The following BBOF1 variants were observed in gnomAD, a reference collection of about 807,000 sequenced individuals.
BBOF1 encodes basal body-orientation factor 1.
BBOF1 carries 62 observed loss-of-function variants against 68.0 expected under a neutral mutation model. That is an observed-to-expected ratio of 0.91 (90% CI 0.74 to 1.13). The LOEUF (loss-of-function observed/expected upper bound fraction) is 1.13. BBOF1 is among the 50% of genes most tolerant of loss of function. The pLI is 0.00. For synonymous variants in BBOF1, 208 were observed against 198.8 expected (o/e 1.05, Z -0.39); for missense variants, 534 against 600.1 (o/e 0.89, Z 1.15).
At chr14:74,026,213 C>T (rs1412143244) in intron 2 of BBOF1, among the ~76,000 whole-genome samples, 3 of 150,114 alleles carry the variant, frequency 2.0e-5, no homozygotes, top group East Asian at 2.0e-4. Context: ...GAGTCCAAGG[C>T]GGGTGGATTA....
intron 2 of BBOF1, among the ~76,000 whole-genome samples, chr14:74,024,920 A>G (rs969093027): frequency 6.6e-6 from 1 of 151,694 alleles, no homozygotes; most frequent in Admixed American, 6.6e-5. Context: ...TTCTATCTTT[A>G]TTTTATTTTA....
intron 9 of BBOF1, among the ~76,000 whole-genome samples, chr14:74,072,898 C>T (rs966174116): frequency 1.3e-5 from 2 of 151,764 alleles, no homozygotes; most frequent in African/African-American, 2.4e-5. Context: ...TTCCCGGGTT[C>T]GAGCAATTCT....
chr14:74,058,338 A>T (rs2060266526), intron 11 of BBOF1: 1 of 151,114 alleles, frequency 6.6e-6, no homozygotes, highest in South Asian at 2.1e-4. Flanking sequence ...AAACAAAACA[A>T]AACAACAACA....
intron 8 of BBOF1, among the ~76,000 whole-genome samples, chr14:74,053,599 G>T (rs2060116829): frequency 6.6e-6 from 1 of 151,598 alleles, no homozygotes; most frequent in Non-Finnish European, 1.5e-5. Context: ...AGAGAAAAGG[G>T]TTTCACTACA....
intron 12 of BBOF1, among the ~76,000 whole-genome samples, chr14:74,082,247 G>C (rs2060675750): frequency 6.6e-6 from 1 of 152,106 alleles, no homozygotes; most frequent in Non-Finnish European, 1.5e-5. Context: ...ATATCACAAG[G>C]AGCAGAGAGA....
Position 74,024,948 on chromosome 14 carries a change from A to G in BBOF1, c.285+1804A>G, listed in dbSNP as rs549629349. Among the ~76,000 whole-genome samples the G allele has an allele frequency of 2.6e-5, 4 of 152,102 alleles. No homozygotes were observed. The East Asian group carries it at 7.7e-4, about 29-fold the overall frequency. On this transcript the variant is annotated intron_variant, in intron 2 of 11. Coordinates refer to ENST00000394009, the MANE Select transcript of BBOF1 (RefSeq NM_025057.3). The stretch of plus-strand genomic sequence containing the variant: ...TTATTTTATTTTTTGTATTTTTAGT[A>G]GGGACGGGGTTTTGGCATGTTGTTG...
chr14:74,033,865 CAAAATAAATAAAT>C (rs967149230), intron 3 of BBOF1, among the ~76,000 whole-genome samples, 150 bp from the exon 4 acceptor site: 5 of 150,644 alleles, frequency 3.3e-5, no homozygotes, highest in East Asian at 3.9e-4. Context: ...GACTCCATCT[CAAAATAAATAAAT>C]AAAATAAATA....
At chr14:74,060,066 A>T (rs1251004724) in intron 11 of BBOF1, 1 of 157,696 alleles carries the variant, frequency 6.3e-6, no homozygotes, top group African/African-American at 2.4e-5. Flanking sequence ...TTGAGGATCA[A>T]CCAAAAGCGG....
chr14:74,053,333 G>A (rs995275167), intron 8 of BBOF1, among the ~76,000 whole-genome samples: 5 of 151,306 alleles, frequency 3.3e-5, no homozygotes, highest in African/African-American at 7.3e-5. Flanking sequence ...AGAAGGTCTC[G>A]CTCTCCTGAC....
At chr14:74,079,728 G>A (rs548433376) in intron 10 of BBOF1, among the ~76,000 whole-genome samples, 1 of 152,068 alleles carries the variant, frequency 6.6e-6, no homozygotes, top group Non-Finnish European at 1.5e-5. Flanking sequence ...CACTGCGCCT[G>A]GCCTAATTTT....
chr14:74,057,172 T>A lies in BBOF1; in HGVS notation c.1492T>A (p.Phe498Ile). 1 of 1,613,240 alleles carries A rather than the reference T, an allele frequency of 6.2e-7. No homozygotes were observed. Among genetic ancestry groups the A allele is most frequent in the Non-Finnish European group, 8.5e-7 (1 of 1,179,330 alleles). The change falls in exon 11 of 12, where the codon TTC becomes ATC. Residue 498 changes from phenylalanine (F) to isoleucine (I), a missense_variant. Physicochemically the swap from Phe to Ile is conservative, Grantham distance 21. Coordinates refer to ENST00000394009, the MANE Select transcript of BBOF1 (RefSeq NM_025057.3). Reference sequence around the variant, plus strand: ...TGAAAGTAAGCTTCAAGATAAAATCTTCATCACCCAGCAAATTGCAATATC... The same window carrying A: ...TGAAAGTAAGCTTCAAGATAAAATCATCATCACCCAGCAAATTGCAATATC... ...GDESKLQDKI[F>I]ITQQIAISDS...
At chr14:74,070,121 A>G (rs2060529012), downstream of BBOF1, among the ~76,000 whole-genome samples, 1 of 152,096 alleles carries the variant, frequency 6.6e-6, no homozygotes, top group African/African-American at 2.4e-5. Flanking sequence ...GATCACAGGT[A>G]TGTGCCACTG....
chr14:74,026,930 G>GAA (rs111292368), intron 2 of BBOF1, among the ~76,000 whole-genome samples: 1 of 134,618 alleles, frequency 7.4e-6, no homozygotes, highest in African/African-American at 2.7e-5. Flanking sequence ...ATCTCAAAAG[G>GAA]AAAAAAAAAA....
At chr14:74,056,648 T>C (rs1052373934) in intron 9 of BBOF1, among the ~76,000 whole-genome samples, 1 of 152,086 alleles carries the variant, frequency 6.6e-6, no homozygotes, top group Non-Finnish European at 1.5e-5. Flanking sequence ...TTATACATTT[T>C]AAAATAACTA....
chr14:74,043,530 C>A (rs1302682249), intron 5 of BBOF1, among the ~76,000 whole-genome samples: 1 of 127,332 alleles, frequency 7.9e-6, no homozygotes, highest in African/African-American at 3.0e-5. Flanking sequence ...GCAGTCCGGC[C>A]TGGGCAACAG....
intron 9 of BBOF1, among the ~76,000 whole-genome samples, chr14:74,076,443 C>A (rs769809747): frequency 6.6e-6 from 1 of 152,152 alleles, no homozygotes; most frequent in Non-Finnish European, 1.5e-5. Flanking sequence ...CTCACTGCAA[C>A]CTCTGCCTCC....
intron 11 of BBOF1, among the ~76,000 whole-genome samples, chr14:74,062,249 G>C (rs62005115): frequency 0.12 from 17,842 of 151,762 alleles, 1,151 homozygotes; most frequent in South Asian, 0.18. Context: ...TTAAACAATA[G>C]TTGTACTCTG....
chr14:74,071,138 C>CA, intron 9 of BBOF1: 1 of 1,512,288 alleles, frequency 6.6e-7, no homozygotes, highest in South Asian at 1.1e-5. Context: ...AACCATCACT[C>CA]AACACCTTGA....
intron 10 of BBOF1, among the ~76,000 whole-genome samples, chr14:74,080,822 C>T (rs1252283527): frequency 6.6e-6 from 1 of 152,160 alleles, no homozygotes; most frequent in African/African-American, 2.4e-5. Flanking sequence ...CAGATTATTC[C>T]CTTGTTTAAA....
Sources: allele counts gnomAD v4.1 joint callset (sites outside exome capture counted in the v4.1 genomes callset), GRCh38; gene constraint gnomAD v4.1.1; transcripts MANE v1.5; gene names NCBI Gene and HGNC (gene_info 2026-07-23, HGNC 2026-07-21).